The following ME3 variants were observed in gnomAD, a reference collection of about 807,000 sequenced individuals.
The protein encoded by ME3 is NADP-dependent malic enzyme, mitochondrial.
Under a neutral mutation model 68.9 loss-of-function variants are expected in ME3, and 48 were observed. The observed-to-expected ratio is 0.70, with a 90% CI of 0.55 to 0.89. The LOEUF (loss-of-function observed/expected upper bound fraction) is 0.89, where lower values mean the gene tolerates loss of function less well. Ranked by LOEUF, ME3 falls within the 40% of genes least tolerant of loss-of-function variation. The pLI, the probability that ME3 is intolerant of heterozygous loss-of-function variation, is 0.00. For missense variants in ME3, 675 were observed against 797.4 expected (o/e 0.85, Z 1.85); for synonymous variants, 320 against 318.8 (o/e 1.00, Z -0.04).
At chr11:86,509,405 C>CAG (rs1367156789) in intron 4 of ME3, among the ~76,000 whole-genome samples, 16 of 78,784 alleles carry the variant, frequency 2.0e-4, no homozygotes. Flanking sequence ...TCATCACACA[C>CAG]ACACACACAC....
At chr11:86,487,553 G>A (rs1043974157) in intron 6 of ME3, 113 bp from the exon 7 acceptor site, 6 of 796,718 alleles carry the variant, frequency 7.5e-6, no homozygotes, top group African/African-American at 1.7e-5. Context: ...GGAGAGGGGG[G>A]AGTAAGAAGG....
rs187563715 is a variant in ME3, at chr11:86,548,186, T to C, written c.467+8367A>G. ...CATGCATTTAAGCACAAATTCACTT[T>C]TTCAGATGCAAATCTCAAAGCTTTC... On this transcript the variant is annotated intron_variant, in intron 4 of 14. Transcript: ENST00000543262. 1.2e-4 allele frequency among the ~76,000 whole-genome samples: 18 copies of C among 152,324 alleles called. No individual in the cohort carries two copies. The East Asian group carries it at 3.1e-3, about 26-fold the overall frequency.
rs551832811 is a variant in ME3, at chr11:86,491,529, G to A, written c.706-4089C>T. Among the ~76,000 whole-genome samples the A allele has an allele frequency of 1.8e-4, 28 of 152,298 alleles. No individual in the cohort carries two copies. The South Asian group carries it at 5.6e-3, about 30-fold the overall frequency. ...GTTCTCCTTTAGCAGGAGTGGAAAT[G>A]GCTTCTCTAAAACAGTAGTGGGCAG... On this transcript the variant is annotated intron_variant, in intron 6 of 14. Transcript: ENST00000543262.
At chr11:86,634,841 T>C (rs916413890) in intron 2 of ME3, among the ~76,000 whole-genome samples, 10 of 152,246 alleles carry the variant, frequency 6.6e-5, no homozygotes, top group Non-Finnish European at 1.2e-4. Flanking sequence ...GAAACTGTGA[T>C]TGATAACAAA....
intron 2 of ME3, among the ~76,000 whole-genome samples, chr11:86,665,011 C>G (rs116352095): frequency 0.012 from 1,879 of 152,138 alleles, 46 homozygotes; most frequent in African/African-American, 0.043. Context: ...GGACACTGGG[C>G]GATGAGAGTC....
intron 7 of ME3, among the ~76,000 whole-genome samples, chr11:86,481,380 C>T (rs1171227391): frequency 3.3e-5 from 5 of 152,088 alleles, no homozygotes; most frequent in African/African-American, 4.8e-5. Flanking sequence ...TCAGTCTTTG[C>T]ACAGCTCTAT....
chr11:86,647,749 T>C (rs1945122426), intron 2 of ME3, among the ~76,000 whole-genome samples: 1 of 152,028 alleles, frequency 6.6e-6, no homozygotes, highest in Non-Finnish European at 1.5e-5. Context: ...GCACCCAGAT[T>C]CATAAAGCAA....
intron 4 of ME3, among the ~76,000 whole-genome samples, chr11:86,539,896 T>C (rs981276667): frequency 3.9e-5 from 6 of 152,210 alleles, no homozygotes; most frequent in African/African-American, 1.4e-4. Flanking sequence ...TAAAGATAGC[T>C]GATGAGCTTT....
chr11:86,522,298 G>C (rs1954378717), intron 4 of ME3, among the ~76,000 whole-genome samples: 1 of 149,936 alleles, frequency 6.7e-6, no homozygotes, highest in Admixed American at 6.6e-5. Flanking sequence ...AGAAAAAAAG[G>C]CCAATTAAAA....
intron 4 of ME3, among the ~76,000 whole-genome samples, chr11:86,532,336 T>C (rs946041654): frequency 6.6e-6 from 1 of 152,106 alleles, no homozygotes; most frequent in Non-Finnish European, 1.5e-5. Flanking sequence ...ATAAATAACA[T>C]TCGACTTGAA....
chr11:86,581,127 C>A (rs1372649105), intron 2 of ME3, among the ~76,000 whole-genome samples: 2 of 152,112 alleles, frequency 1.3e-5, no homozygotes, highest in African/African-American at 4.8e-5. Context: ...GAGAAACCAA[C>A]ATCTAAAAAA....
At chr11:86,527,974 C>T (rs1954896873) in intron 4 of ME3, among the ~76,000 whole-genome samples, 1 of 152,196 alleles carries the variant, frequency 6.6e-6, no homozygotes, top group Admixed American at 6.5e-5. Flanking sequence ...CAGCTAACAT[C>T]ATAATGACAA....
chr11:86,504,502 T>C (rs1322655122), intron 5 of ME3, among the ~76,000 whole-genome samples: 4 of 147,294 alleles, frequency 2.7e-5, no homozygotes, highest in Non-Finnish European at 6.0e-5. Flanking sequence ...GTGATTCTCC[T>C]GCCTCAGCCT....
At chr11:86,491,663 G>A (rs554251825) in intron 6 of ME3, among the ~76,000 whole-genome samples, 1 of 152,330 alleles carries the variant, frequency 6.6e-6, no homozygotes, top group African/African-American at 2.4e-5. Flanking sequence ...GGTAGGAGTA[G>A]TAACCTGCCT....
rs368384131 is a variant in ME3, at chr11:86,467,693, T to TCACA, written c.810-2497_810-2494dup. Among the ~76,000 whole-genome samples the TCACA allele has an allele frequency of 5.9e-3, 841 of 143,312 alleles. 13 individuals carry two copies. Among genetic ancestry groups the TCACA allele is most frequent in the African/African-American group, 0.021 (790 of 37,796 alleles). 94.0% of individuals were successfully genotyped at this position (143,312 alleles called of 152,430 possible). On this transcript the variant is annotated intron_variant, in intron 7 of 14. Coordinates refer to ENST00000543262, the Ensembl canonical transcript of ME3. ...CTCTCTCTCTCTCTCTCTCTCTCTC[T>TCACA]CACACACACACACACACACCCCTTT...
At chr11:86,643,848 G>C (rs181704811) in intron 2 of ME3, among the ~76,000 whole-genome samples, 1 of 152,194 alleles carries the variant, frequency 6.6e-6, no homozygotes, top group African/African-American at 2.4e-5. Flanking sequence ...CTGGAAATGA[G>C]ACTTGCTGAT....
chr11:86,545,282 C>A (rs1376407292), intron 4 of ME3, among the ~76,000 whole-genome samples: 1 of 152,202 alleles, frequency 6.6e-6, no homozygotes, highest in Non-Finnish European at 1.5e-5. Context: ...CCTCTTTCAT[C>A]ACTCCTATTC....
At chr11:86,508,601 G>T (rs922097351) in intron 5 of ME3, among the ~76,000 whole-genome samples, 191 bp downstream of exon 5, 2 of 152,172 alleles carry the variant, frequency 1.3e-5, no homozygotes, top group East Asian at 3.9e-4. Context: ...TCACATGGAT[G>T]CCTGGTTAAT....
intron 2 of ME3, among the ~76,000 whole-genome samples, chr11:86,634,605 C>G (rs1944217380): frequency 6.6e-6 from 1 of 152,140 alleles, no homozygotes; most frequent in Non-Finnish European, 1.5e-5. Context: ...AGTCCCATAC[C>G]TGGGGTATTG....
Sources: allele counts gnomAD v4.1 joint callset (sites outside exome capture counted in the v4.1 genomes callset), GRCh38; gene constraint gnomAD v4.1.1; transcripts MANE v1.5; gene names NCBI Gene and HGNC (gene_info 2026-07-23, HGNC 2026-07-21).